CLCN4: variants seen among roughly 807,000 people sequenced by gnomAD.
The protein encoded by CLCN4 is H(+)/Cl(-) exchange transporter 4.
CLCN4 carries 1 observed loss-of-function variant against 41.7 expected under a neutral mutation model. That is an observed-to-expected ratio of 0.02 (90% CI 0.01 to 0.11). CLCN4 has a LOEUF of 0.11. Among genes scored for constraint, CLCN4 ranks in the 10% least tolerant of loss-of-function variants. The pLI is 1.00. For synonymous variants in CLCN4, 277 were observed against 285.8 expected (o/e 0.97, Z 0.31); for missense variants, 287 against 661.0 (o/e 0.43, Z 6.20).
chrX:10,172,366 C>A (rs1923404127), intron 2 of CLCN4, among the ~76,000 whole-genome samples: 1 of 111,787 alleles, frequency 8.9e-6, no homozygotes, highest in Non-Finnish European at 1.9e-5. Context: ...ATGACAGTGA[C>A]CTTAGACTAA....
At chrX:10,203,004 T>G (rs1365132741) in intron 6 of CLCN4, among the ~76,000 whole-genome samples, 1 of 112,025 alleles carries the variant, frequency 8.9e-6, no homozygotes, top group Non-Finnish European at 1.9e-5. Context: ...TTTTGCCATC[T>G]ACTGGGAATG....
chrX:10,197,175 G>C (rs979065204), intron 5 of CLCN4, among the ~76,000 whole-genome samples: 2 of 112,228 alleles, frequency 1.8e-5, no homozygotes, highest in African/African-American at 6.5e-5. Context: ...TCACGCATAG[G>C]ACCCCAGACT....
intron 6 of CLCN4, among the ~76,000 whole-genome samples, chrX:10,205,701 G>A (rs917421316): frequency 2.9e-5 from 3 of 105,088 alleles, no homozygotes; most frequent in Admixed American, 1.0e-4. Flanking sequence ...TTGACCTTCC[G>A]GGCTCAAGTG....
At chrX:10,188,001 C>T (rs925535374) in intron 4 of CLCN4, among the ~76,000 whole-genome samples, 2 of 112,201 alleles carry the variant, frequency 1.8e-5, no homozygotes, top group African/African-American at 6.5e-5. Context: ...ACTGCAGCCT[C>T]CACCTCCCGG....
chrX:10,206,099 G>A lies in CLCN4; in HGVS notation c.556-259G>A, dbSNP rs139752824. Reference sequence around the variant, plus strand: ...AACAGGATAAAATGCCATAAATCAAGTGAGACCTTGTTAATGATTTATTCA... The same window carrying A: ...AACAGGATAAAATGCCATAAATCAAATGAGACCTTGTTAATGATTTATTCA... On this transcript the variant is annotated intron_variant, in intron 6 of 12. Coordinates refer to ENST00000380833, the MANE Select transcript of CLCN4 (RefSeq NM_001830.4). 0.02 allele frequency among the ~76,000 whole-genome samples: 2,259 copies of A among 111,960 alleles called. 59 individuals carry two copies. The highest frequency in any genetic ancestry group is 0.069 in the African/African-American group (2,138 of 30,779).
intron 2 of CLCN4, among the ~76,000 whole-genome samples, chrX:10,180,422 G>T (rs1255352941): frequency 9.0e-6 from 1 of 111,044 alleles, no homozygotes; most frequent in Non-Finnish European, 1.9e-5. Context: ...CTTCTGCCGG[G>T]TCTCTCTCTC....
At chrX:10,188,961 G>T (rs1279318869) in intron 4 of CLCN4, among the ~76,000 whole-genome samples, 2 of 112,033 alleles carry the variant, frequency 1.8e-5, no homozygotes, top group African/African-American at 6.5e-5. Flanking sequence ...CACAGATGCT[G>T]TCTGTCCGTT....
intron 1 of CLCN4, 69 bp downstream of exon 1, chrX:10,157,169 T>C: frequency 6.9e-6 from 2 of 290,414 alleles, no homozygotes; most frequent in Non-Finnish European, 1.2e-5. Flanking sequence ...TGCGACTTTG[T>C]TGATTTTTAA....
intron 4 of CLCN4, among the ~76,000 whole-genome samples, chrX:10,194,555 C>G (rs1428047133): frequency 9.0e-6 from 1 of 111,539 alleles, no homozygotes; most frequent in East Asian, 2.8e-4. Flanking sequence ...ATTCTAGGAT[C>G]CTGCCCCAGA....
Position 10,234,015 on chromosome X carries a change from T to C in CLCN4, c.*431T>C, listed in dbSNP as rs1195825755. 1 of 115,512 alleles carries C rather than the reference T, an allele frequency of 8.7e-6. No homozygotes were observed. Among genetic ancestry groups the C allele is most frequent in the African/African-American group, 3.2e-5 (1 of 31,011 alleles). 9.5% of individuals were successfully genotyped at this position (115,512 alleles called of 1,213,427 possible). On this transcript the variant is annotated 3_prime_UTR_variant, in exon 13 of 13. Transcript: ENST00000380833. ...TCGGCATGTCAGCGTCCTTATTTAT[T>C]GGTTCTTGAAGTTTTGCTGCTATGT...
intron 9 of CLCN4, among the ~76,000 whole-genome samples, chrX:10,208,895 A>G (rs1454022015): frequency 8.9e-6 from 1 of 112,148 alleles, no homozygotes; most frequent in African/African-American, 3.2e-5. Context: ...CACTTCACAC[A>G]TTCCCAGAAC....
At position 10,233,855 on chromosome X, in the gene CLCN4, A is replaced by C; in HGVS notation, c.*271A>C. ...GTGGGGGCATGTGGGTGGGTAAATG[A>C]TGTAAATGATGTGATCTGTACAAGT... On this transcript the variant is annotated 3_prime_UTR_variant, in exon 13 of 13. Coordinates refer to ENST00000380833, the MANE Select transcript of CLCN4 (RefSeq NM_001830.4). 1 of 317,024 alleles carries C rather than the reference A, an allele frequency of 3.2e-6. No homozygotes were observed. The highest frequency in any genetic ancestry group is 5.6e-6 in the Non-Finnish European group (1 of 177,661). The allele number at this position is 317,024 out of a possible 1,213,427, so 26.1% of individuals were successfully genotyped here.
chrX:10,187,410 A>G, intron 3 of CLCN4, 105 bp from the exon 4 acceptor site: 1 of 592,850 alleles, frequency 1.7e-6, no homozygotes. Flanking sequence ...GATGACATTC[A>G]TTTTATTTTC....
At chrX:10,219,636 G>A (rs768203356) in intron 11 of CLCN4, among the ~76,000 whole-genome samples, 2 of 112,030 alleles carry the variant, frequency 1.8e-5, no homozygotes, top group Non-Finnish European at 3.8e-5. Flanking sequence ...GTACTCTATT[G>A]CACTAAATGG....
intron 11 of CLCN4, 63 bp from the exon 12 acceptor site, chrX:10,220,598 G>A (rs1924832573): frequency 4.7e-6 from 4 of 852,901 alleles, no homozygotes; most frequent in Non-Finnish European, 7.0e-6. Flanking sequence ...GTGAGTGTGG[G>A]GTGGGGAATT....
At chrX:10,189,829 CT>C (rs1009349925) in intron 4 of CLCN4, among the ~76,000 whole-genome samples, 1 of 112,224 alleles carries the variant, frequency 8.9e-6, no homozygotes, top group Non-Finnish European at 1.9e-5. Context: ...AAGCTGAGGC[CT>C]GCTGAAGCGC....
chrX:10,218,978 A>G (rs1308781678), intron 11 of CLCN4, among the ~76,000 whole-genome samples: 1 of 112,554 alleles, frequency 8.9e-6, no homozygotes, highest in Non-Finnish European at 1.9e-5. Context: ...CCGTTCATTC[A>G]TATGTGCATT....
intron 9 of CLCN4, among the ~76,000 whole-genome samples, chrX:10,209,608 C>T (rs1924494085): frequency 9.0e-6 from 1 of 110,987 alleles, no homozygotes; most frequent in African/African-American, 3.3e-5. Context: ...AGTGATCCTC[C>T]TGCCTCAGCC....
intron 4 of CLCN4, among the ~76,000 whole-genome samples, chrX:10,188,758 C>T (rs1331862106): frequency 1.8e-5 from 2 of 112,251 alleles, no homozygotes; most frequent in African/African-American, 6.5e-5. Context: ...CTAAGAAGGA[C>T]AGAACACAAA....
Sources: gnomAD v4.1 joint callset for allele counts (sites outside exome capture counted in the v4.1 genomes callset) on GRCh38, gnomAD v4.1.1 for gene constraint, MANE v1.5 for transcripts, NCBI Gene and HGNC (gene_info 2026-07-23, HGNC 2026-07-21) for gene names.